PARVA: variants seen among roughly 807,000 people sequenced by gnomAD.
PARVA encodes alpha-parvin.
PARVA carries 25 observed loss-of-function variants against 52.6 expected under a neutral mutation model. The ratio of observed to expected loss-of-function variants is 0.48; its 90% CI spans 0.35 to 0.66. The LOEUF (loss-of-function observed/expected upper bound fraction) is 0.66. PARVA is among the 30% of genes least tolerant of loss of function. The pLI, the probability that PARVA is intolerant of heterozygous loss-of-function variation, is 0.01. For synonymous variants in PARVA, 185 were observed against 179.1 expected (o/e 1.03, Z -0.26); for missense variants, 373 against 450.9 (o/e 0.83, Z 1.56).
At chr11:12,480,807 G>A (rs1291910066) in intron 4 of PARVA, 10 of 105,848 alleles carry the variant, frequency 9.4e-5, no homozygotes, top group East Asian at 3.9e-4. Flanking sequence ...ACCAGTTTGC[G>A]GTAAAAAAAA....
At chr11:12,447,509 T>C (rs1940564043) in intron 1 of PARVA, among the ~76,000 whole-genome samples, 1 of 152,200 alleles carries the variant, frequency 6.6e-6, no homozygotes, top group Non-Finnish European at 1.5e-5. Context: ...GACTTCCTTC[T>C]GGGAAATCCA....
intron 1 of PARVA, among the ~76,000 whole-genome samples, chr11:12,470,099 C>G (rs752776077): frequency 6.6e-6 from 1 of 152,194 alleles, no homozygotes; most frequent in Non-Finnish European, 1.5e-5. Context: ...CGCACATGTG[C>G]GCACACACAG....
chr11:12,419,917 A>G (rs1372654580), intron 1 of PARVA, among the ~76,000 whole-genome samples: 6 of 152,198 alleles, frequency 3.9e-5, no homozygotes, highest in Non-Finnish European at 7.3e-5. Flanking sequence ...GCTGGCGGAA[A>G]CACTTTTAAG....
chr11:12,403,088 G>T (rs954557144), intron 1 of PARVA, among the ~76,000 whole-genome samples: 6 of 152,180 alleles, frequency 3.9e-5, no homozygotes, highest in Admixed American at 1.3e-4. Context: ...CCCCACAGGG[G>T]CCAGCACAGG....
chr11:12,521,512 A>C (rs11022382), intron 12 of PARVA, among the ~76,000 whole-genome samples: 12,311 of 152,280 alleles, frequency 0.081, 712 homozygotes, highest in African/African-American at 0.16. Context: ...GTAATACGCT[A>C]TAAAATAATG....
At chr11:12,408,332 A>T (rs560338146) in intron 1 of PARVA, among the ~76,000 whole-genome samples, 4 of 152,206 alleles carry the variant, frequency 2.6e-5, no homozygotes, top group Admixed American at 6.5e-5. Context: ...TGGTGAGCAC[A>T]TCCTCTCCTG....
rs770451946 is a variant in PARVA, at chr11:12,377,661, CGCA to C, written c.16_18del (p.Gln6del). 7.0e-4 allele frequency: 1,105 copies of C among 1,569,684 alleles called. No homozygotes were observed. Among genetic ancestry groups the C allele is most frequent in the Non-Finnish European group, 9.1e-4 (1,062 of 1,162,934 alleles). On this transcript the variant is annotated inframe_deletion, in exon 1 of 13. Coordinates refer to ENST00000334956, the MANE Select transcript of PARVA (RefSeq NM_018222.5). Reference sequence around the variant, plus strand: ...CTGCGCCGCGCCATGGCCACCTCCCCGCAGAAGTCGCCTTCTGTCCCCAAGTCT... The same window carrying C: ...CTGCGCCGCGCCATGGCCACCTCCCCGAAGTCGCCTTCTGTCCCCAAGTCT...
intron 1 of PARVA, among the ~76,000 whole-genome samples, chr11:12,464,860 C>T (rs745889043): frequency 2.6e-5 from 4 of 152,148 alleles, no homozygotes; most frequent in Non-Finnish European, 2.9e-5. Context: ...TTTGGCATCA[C>T]GGACCAATTT....
At chr11:12,527,638 G>A (rs957705996) in intron 12 of PARVA, among the ~76,000 whole-genome samples, 5 of 152,174 alleles carry the variant, frequency 3.3e-5, no homozygotes, top group African/African-American at 1.2e-4. Flanking sequence ...ATTGTGGGGA[G>A]GGTCAGGCCT....
intron 4 of PARVA, among the ~76,000 whole-genome samples, chr11:12,483,072 C>G (rs930407428): frequency 2.0e-5 from 3 of 152,268 alleles, no homozygotes; most frequent in South Asian, 2.1e-4. Context: ...TGGCTCACCT[C>G]TGTGTGGCCA....
intron 1 of PARVA, among the ~76,000 whole-genome samples, chr11:12,469,664 TACAA>T (rs1427526574): frequency 2.0e-5 from 3 of 152,244 alleles, no homozygotes; most frequent in African/African-American, 7.2e-5. Flanking sequence ...TATTCACTTT[TACAA>T]ACAGTTGGCT....
chr11:12,470,031 A>G (rs1026514348), intron 1 of PARVA, among the ~76,000 whole-genome samples: 6 of 152,350 alleles, frequency 3.9e-5, no homozygotes, highest in Admixed American at 2.0e-4. Flanking sequence ...GTGTGACTTT[A>G]CTTACCTTAT....
intron 1 of PARVA, among the ~76,000 whole-genome samples, chr11:12,405,115 G>C (rs766483302): frequency 6.6e-6 from 1 of 152,084 alleles, no homozygotes; most frequent in Non-Finnish European, 1.5e-5. Flanking sequence ...TTTTTCATTT[G>C]AGAGAATAGG....
intron 4 of PARVA, among the ~76,000 whole-genome samples, chr11:12,482,542 C>G (rs1048587930): frequency 6.6e-6 from 1 of 151,398 alleles, no homozygotes; most frequent in African/African-American, 2.4e-5. Flanking sequence ...AGGAGAATCG[C>G]TTGAACCCAG....
chr11:12,495,329 T>C (rs1043173019), intron 4 of PARVA, among the ~76,000 whole-genome samples: 3 of 152,216 alleles, frequency 2.0e-5, no homozygotes, highest in Non-Finnish European at 4.4e-5. Flanking sequence ...AAAGAATGAC[T>C]CAAGGGGCAT....
chr11:12,419,693 C>T lies in PARVA; in HGVS notation c.136+41910C>T, dbSNP rs1589950636. Among the ~76,000 whole-genome samples the T allele has an allele frequency of 2.0e-5, 3 of 152,178 alleles. No individual in the cohort carries two copies. In the South Asian group the frequency reaches 6.2e-4, roughly 31 times the overall value. On this transcript the variant is annotated intron_variant, in intron 1 of 12. Coordinates refer to ENST00000334956, the MANE Select transcript of PARVA (RefSeq NM_018222.5). ...TTTAATTTTTTGAGGAACGGCCATACTGTTTTCCACAGTAGCTGCACCATT... is the reference window on the plus strand; with the variant it reads ...TTTAATTTTTTGAGGAACGGCCATATTGTTTTCCACAGTAGCTGCACCATT...
intron 1 of PARVA, among the ~76,000 whole-genome samples, chr11:12,465,280 G>A (rs532591320): frequency 6.6e-5 from 10 of 152,254 alleles, no homozygotes; most frequent in Admixed American, 6.5e-4. Flanking sequence ...CCTTTGCCAT[G>A]TGCTGCCTCA....
At chr11:12,378,503 A>C (rs1939437890) in intron 1 of PARVA, among the ~76,000 whole-genome samples, 1 of 151,708 alleles carries the variant, frequency 6.6e-6, no homozygotes, top group African/African-American at 2.4e-5. Context: ...CCTGCTGTGA[A>C]CTCAGGCATT....
At chr11:12,454,808 TA>T (rs1940674788) in intron 1 of PARVA, among the ~76,000 whole-genome samples, 1 of 152,212 alleles carries the variant, frequency 6.6e-6, no homozygotes, top group Non-Finnish European at 1.5e-5. Context: ...TTATAGCTCT[TA>T]AAAATAAGGA....
Sources: allele counts gnomAD v4.1 joint callset (sites outside exome capture counted in the v4.1 genomes callset), GRCh38; gene constraint gnomAD v4.1.1; transcripts MANE v1.5; gene names NCBI Gene and HGNC (gene_info 2026-07-23, HGNC 2026-07-21).